DPF3: variants seen among roughly 807,000 people sequenced by gnomAD.
The protein encoded by DPF3 is double PHD fingers 3.
Under a neutral mutation model 56.8 loss-of-function variants are expected in DPF3, and 18 were observed. That is an observed-to-expected ratio of 0.32 (90% CI 0.22 to 0.47). The LOEUF (loss-of-function observed/expected upper bound fraction) is 0.47, where lower values mean the gene tolerates loss of function less well. Ranked by LOEUF, DPF3 falls within the 20% of genes least tolerant of loss-of-function variation. The pLI, the probability that DPF3 is intolerant of heterozygous loss-of-function variation, is 1.00. For missense variants in DPF3, 403 were observed against 488.8 expected (o/e 0.82, Z 1.65); for synonymous variants, 188 against 180.2 (o/e 1.04, Z -0.35).
At chr14:72,861,776 A>T (rs949948985) in intron 1 of DPF3, among the ~76,000 whole-genome samples, 2 of 150,062 alleles carry the variant, frequency 1.3e-5, no homozygotes, top group Non-Finnish European at 2.9e-5. Context: ...AGAAAGAAAG[A>T]AAGAAAGAAA....
At chr14:72,671,241 T>C (rs755938203) in intron 8 of DPF3, 5 of 1,613,966 alleles carry the variant, frequency 3.1e-6, no homozygotes, top group Non-Finnish European at 4.2e-6. Flanking sequence ...CGTGGAAAGT[T>C]GACGTGTCAC....
At chr14:72,856,005 G>T (rs1051601530) in intron 1 of DPF3, among the ~76,000 whole-genome samples, 3 of 152,234 alleles carry the variant, frequency 2.0e-5, no homozygotes, top group African/African-American at 4.8e-5. Flanking sequence ...TGGGTGAATT[G>T]TAAAGAAAGA....
chr14:72,735,198 T>C (rs1889840282), intron 3 of DPF3, among the ~76,000 whole-genome samples: 1 of 152,138 alleles, frequency 6.6e-6, no homozygotes, highest in Admixed American at 6.5e-5. Context: ...ACTCACTCCA[T>C]AGTTTTCATA....
chr14:72,746,926 G>A (rs1319534486), intron 3 of DPF3, among the ~76,000 whole-genome samples: 1 of 152,218 alleles, frequency 6.6e-6, no homozygotes, highest in Non-Finnish European at 1.5e-5. Context: ...CCGACAACGG[G>A]GCATGGCCAA....
chr14:72,836,252 G>A, intron 1 of DPF3: 2 of 985,626 alleles, frequency 2.0e-6, no homozygotes, highest in Non-Finnish European at 2.4e-6. Flanking sequence ...CCTCTCCAGT[G>A]ATATGCTTCC....
At chr14:72,662,923 AGAAAT>A (rs1886276177) in intron 8 of DPF3, 2 of 762,616 alleles carry the variant, frequency 2.6e-6, no homozygotes, top group African/African-American at 2.2e-5. Flanking sequence ...AAGGGGTGAC[AGAAAT>A]GAAATGAATT....
At chr14:72,808,156 G>C (rs192089676) in intron 1 of DPF3, among the ~76,000 whole-genome samples, 23 of 152,280 alleles carry the variant, frequency 1.5e-4, no homozygotes, top group Non-Finnish European at 1.2e-4. Context: ...AAGGATCAAA[G>C]ATGGACTGGA....
At chr14:72,843,822 G>A (rs1167193363) in intron 1 of DPF3, among the ~76,000 whole-genome samples, 4 of 152,210 alleles carry the variant, frequency 2.6e-5, no homozygotes, top group East Asian at 1.9e-4. Flanking sequence ...GATTACAGGC[G>A]TGAGCCACCA....
intron 8 of DPF3, among the ~76,000 whole-genome samples, chr14:72,664,576 T>A (rs1392879561): frequency 6.6e-6 from 1 of 151,094 alleles, no homozygotes; most frequent in African/African-American, 2.4e-5. Flanking sequence ...CCCACCCCTG[T>A]CCTGACATCC....
chr14:72,709,666 T>G (rs1270196328), intron 6 of DPF3, among the ~76,000 whole-genome samples: 1 of 151,932 alleles, frequency 6.6e-6, no homozygotes, highest in African/African-American at 2.4e-5. Flanking sequence ...GGTATGGCGG[T>G]TCTAGAGTTG....
chr14:72,885,811 C>T (rs1194196594), intron 1 of DPF3, among the ~76,000 whole-genome samples: 2 of 152,248 alleles, frequency 1.3e-5, no homozygotes, highest in Non-Finnish European at 2.9e-5. Context: ...AAATGCCCAT[C>T]GGCAGTTAAA....
chr14:72,700,998 T>C (rs1888135332), intron 6 of DPF3, among the ~76,000 whole-genome samples: 1 of 151,996 alleles, frequency 6.6e-6, no homozygotes, highest in Non-Finnish European at 1.5e-5. Context: ...GAAAAGAGGG[T>C]GGGAAAAGAA....
intron 3 of DPF3, among the ~76,000 whole-genome samples, chr14:72,737,944 A>G (rs1350798519): frequency 3.3e-5 from 5 of 152,102 alleles, no homozygotes; most frequent in Non-Finnish European, 7.3e-5. Flanking sequence ...AAAAATACAA[A>G]CATGCAGTTT....
intron 2 of DPF3, among the ~76,000 whole-genome samples, chr14:72,759,468 A>G (rs997454855): frequency 3.3e-5 from 5 of 152,032 alleles, no homozygotes; most frequent in African/African-American, 1.2e-4. Context: ...TGGGAGTTTG[A>G]GAGCAGCCTG....
At chr14:72,812,809 G>A (rs1407816974) in intron 1 of DPF3, among the ~76,000 whole-genome samples, 2 of 152,210 alleles carry the variant, frequency 1.3e-5, no homozygotes, top group Non-Finnish European at 2.9e-5. Context: ...AGTTGGCAGT[G>A]GCAGGGCCCA....
At chr14:72,636,332 TCATC>T (rs1258749148) in intron 8 of DPF3, among the ~76,000 whole-genome samples, 1 of 140,750 alleles carries the variant, frequency 7.1e-6, no homozygotes, top group East Asian at 2.7e-4. Flanking sequence ...CATATCTGAA[TCATC>T]ATGCTACAGG....
At chr14:72,887,172 C>T (rs1419432971) in intron 1 of DPF3, among the ~76,000 whole-genome samples, 1 of 140,050 alleles carries the variant, frequency 7.1e-6, no homozygotes, top group Non-Finnish European at 1.6e-5. Context: ...CACACACACA[C>T]ACACACACAC....
chr14:72,629,710 G>A lies in DPF3; in HGVS notation c.898C>T (p.Leu300=). The A allele has an allele frequency of 6.5e-7, 1 of 1,536,076 alleles. No homozygotes were observed. Among genetic ancestry groups the A allele is most frequent in the Non-Finnish European group, 8.7e-7 (1 of 1,146,872 alleles). Residue 300 remains leucine (L), a synonymous_variant, in exon 9 of 11, where the codon CTG becomes TTG. Transcript: ENST00000556509. The part of the protein sequence containing the change: ...SGHPTCLQFT[L]NMTEAVKTYK... ...GTCTTGACAGCCTCGGTCATGTTCA[G>A]GGTAAACTGCAGGCAGGTTGGGTGA...
chr14:72,640,202 A>G (rs8005580), intron 8 of DPF3, among the ~76,000 whole-genome samples: 6,800 of 152,136 alleles, frequency 0.045, 534 homozygotes, highest in African/African-American at 0.16. Flanking sequence ...GATGCTAGAA[A>G]GGTATGAGGA....
Sources: gnomAD v4.1 joint callset for allele counts (sites outside exome capture counted in the v4.1 genomes callset) on GRCh38, gnomAD v4.1.1 for gene constraint, MANE v1.5 for transcripts, NCBI Gene and HGNC (gene_info 2026-07-23, HGNC 2026-07-21) for gene names.